The following ACOT7 variants were observed in gnomAD, a reference collection of about 807,000 sequenced individuals.
ACOT7 encodes the protein acyl-CoA thioesterase 7, also known as cytosolic acyl coenzyme A thioester hydrolase.
A neutral mutation model predicts 40.2 loss-of-function variants in ACOT7; 12 were observed. The observed-to-expected ratio is 0.30, with a 90% CI of 0.19 to 0.48. ACOT7 has a LOEUF of 0.48. Among genes scored for constraint, ACOT7 ranks in the 20% least tolerant of loss-of-function variants. The probability of loss-of-function intolerance (pLI) is 0.99; values close to 1 mark genes in which losing one functional copy is unlikely to be tolerated. For missense variants in ACOT7, 395 were observed against 530.8 expected (o/e 0.74, Z 2.51); for synonymous variants, 228 against 219.5 (o/e 1.04, Z -0.34).
chr1:6,383,460 T>C (rs902542646), intron 1 of ACOT7, among the ~76,000 whole-genome samples: 17 of 151,456 alleles, frequency 1.1e-4, no homozygotes, highest in Middle Eastern at 3.4e-3. Flanking sequence ...GTTCTGGGAT[T>C]ACAGGCGTGA....
At chr1:6,276,995 C>A (rs535656731) in intron 8 of ACOT7, among the ~76,000 whole-genome samples, 13 of 152,204 alleles carry the variant, frequency 8.5e-5, no homozygotes, top group South Asian at 4.1e-4. Context: ...TGACCACCCC[C>A]CCCCAGGGTA....
At chr1:6,385,755 T>C in intron 1 of ACOT7, 31 of 1,489,442 alleles carry the variant, frequency 2.1e-5, no homozygotes, top group Non-Finnish European at 2.7e-5. Flanking sequence ...GGCTCAGCAG[T>C]GAGCCGGTGT....
At chr1:6,385,915 C>T (rs541101537) in intron 1 of ACOT7, 19 of 1,116,054 alleles carry the variant, frequency 1.7e-5, no homozygotes, top group Middle Eastern at 3.0e-4. Flanking sequence ...ATCCATGACT[C>T]GGCCTGAACT....
intron 6 of ACOT7, among the ~76,000 whole-genome samples, chr1:6,317,096 CA>C (rs1274836407): frequency 6.6e-6 from 1 of 152,190 alleles, no homozygotes; most frequent in Admixed American, 6.5e-5. Context: ...CAGCATTGTG[CA>C]AAAGTGCCTG....
intron 8 of ACOT7, among the ~76,000 whole-genome samples, chr1:6,273,927 C>G (rs564167342): frequency 6.6e-6 from 1 of 152,342 alleles, no homozygotes; most frequent in South Asian, 2.1e-4. Flanking sequence ...GGCCCTGCCC[C>G]GTGACAAAGG....
At position 6,349,903 on chromosome 1, in the gene ACOT7, A is replaced by C. The variant is rs1036321605; in HGVS notation, c.144-37T>G. ...GAGAAGCAGGATGAGGCCTCTGGAG[A>C]GGATGCCATTTGTGCAACAGTGACA... On this transcript the variant is annotated intron_variant, in intron 1 of 8. Coordinates refer to ENST00000361521, the MANE Select transcript of ACOT7 (RefSeq NM_007274.4). 3.1e-6 allele frequency: 5 copies of C among 1,594,530 alleles called. No homozygotes were observed. The African/African-American group carries it at 4.0e-5, about 13-fold the overall frequency.
At chr1:6,356,946 T>G (rs1641761968) in intron 1 of ACOT7, among the ~76,000 whole-genome samples, 1 of 146,310 alleles carries the variant, frequency 6.8e-6, no homozygotes, top group Non-Finnish European at 1.5e-5. Flanking sequence ...CGACGACGAC[T>G]ACACTTTTGT....
At chr1:6,322,547 G>C (rs1242734195) in intron 5 of ACOT7, among the ~76,000 whole-genome samples, 1 of 152,194 alleles carries the variant, frequency 6.6e-6, no homozygotes. Flanking sequence ...GGAAGTCCCA[G>C]GTCAAGGTAT....
intron 6 of ACOT7, among the ~76,000 whole-genome samples, chr1:6,296,489 T>C (rs1001451069): frequency 5.9e-5 from 9 of 151,890 alleles, no homozygotes; most frequent in African/African-American, 1.9e-4. Context: ...ACTGGCGCGA[T>C]CTCCGCTCAC....
intron 1 of ACOT7, among the ~76,000 whole-genome samples, chr1:6,356,745 C>T (rs749751781): frequency 2.0e-5 from 3 of 151,466 alleles, no homozygotes; most frequent in Non-Finnish European, 4.4e-5. Context: ...GGTGAAACCC[C>T]GTCTCTATTA....
In ACOT7 at chr1:6,278,298, G is replaced by A. The variant is rs572850831; in HGVS notation, c.1014+2804C>T. On this transcript the variant is annotated intron_variant, in intron 8 of 8. Transcript: ENST00000361521. The surrounding 1 kb of genome is among the most constrained non-coding windows in gnomAD (Gnocchi z 4.1). ...GCATGGAGGAGCCACCGTGCATTTC[G>A]GTGGGAGAGGGAGCAACTCGGATTT... Among the ~76,000 whole-genome samples the A allele has an allele frequency of 4.1e-4, 63 of 152,282 alleles. 1 individual carries two copies. The East Asian group carries it at 6.4e-3, about 15-fold the overall frequency.
At chr1:6,324,404 C>G (rs1218023260) in intron 5 of ACOT7, among the ~76,000 whole-genome samples, 1 of 152,200 alleles carries the variant, frequency 6.6e-6, no homozygotes, top group East Asian at 1.9e-4. Context: ...CTCTGACTGA[C>G]AGTGAATAAC....
intron 1 of ACOT7, chr1:6,385,714 C>T (rs1642427078): frequency 1.3e-6 from 2 of 1,574,334 alleles, no homozygotes; most frequent in East Asian, 4.6e-5. Flanking sequence ...GTATGATGCC[C>T]AGCAGAGCCC....
At chr1:6,294,000 G>T (rs1639742298) in intron 7 of ACOT7, among the ~76,000 whole-genome samples, 1 of 152,202 alleles carries the variant, frequency 6.6e-6, no homozygotes, top group African/African-American at 2.4e-5. Flanking sequence ...GGCAAGGAGA[G>T]CCAAGCTTGC....
At chr1:6,276,179 C>T (rs148329116) in intron 8 of ACOT7, among the ~76,000 whole-genome samples, 197 of 152,298 alleles carry the variant, frequency 1.3e-3, no homozygotes, top group Middle Eastern at 3.4e-3. Flanking sequence ...ACAATGCCCA[C>T]GCCTGCAAGA....
At chr1:6,269,737 G>A (rs1638970506) in intron 8 of ACOT7, among the ~76,000 whole-genome samples, 1 of 152,256 alleles carries the variant, frequency 6.6e-6, no homozygotes, top group Non-Finnish European at 1.5e-5. Flanking sequence ...GGATGTGTGG[G>A]AGCCTGAGAG....
intron 7 of ACOT7, among the ~76,000 whole-genome samples, chr1:6,290,586 T>C (rs1252258083): frequency 6.6e-6 from 1 of 152,230 alleles, no homozygotes; most frequent in African/African-American, 2.4e-5. Context: ...GGATTAAATT[T>C]ATACTTGACT....
At chr1:6,360,752 C>T (rs1641871929) in intron 1 of ACOT7, 1 of 1,578,386 alleles carries the variant, frequency 6.3e-7, no homozygotes, top group East Asian at 2.3e-5. Flanking sequence ...TGGACTTGGC[C>T]TCATCCCTCC....
intron 1 of ACOT7, among the ~76,000 whole-genome samples, chr1:6,381,955 A>G (rs1241480198): frequency 6.7e-6 from 1 of 149,230 alleles, no homozygotes; most frequent in African/African-American, 2.5e-5. Context: ...TAACACGGTG[A>G]AACCCCATCT....
Sources: gnomAD v4.1 joint callset for allele counts (sites outside exome capture counted in the v4.1 genomes callset) on GRCh38, gnomAD v4.1.1 for gene constraint, Gnocchi (gnomAD v3.1) non-coding constraint, MANE v1.5 for transcripts, NCBI Gene and HGNC (gene_info 2026-07-23, HGNC 2026-07-21) for gene names.